Variants in ADCY5 observed in about 807,000 individuals in gnomAD.
The protein encoded by ADCY5 is adenylate cyclase type 5.
In ADCY5, 30 loss-of-function variants were observed where a neutral mutation model predicts 119.7. That is an observed-to-expected ratio of 0.25 (90% confidence interval 0.19 to 0.34). The LOEUF (loss-of-function observed/expected upper bound fraction) is 0.34. ADCY5 is among the 10% of genes least tolerant of loss of function. The pLI, the probability that ADCY5 is intolerant of heterozygous loss-of-function variation, is 1.00. For synonymous variants in ADCY5, 753 were observed against 762.2 expected (o/e 0.99, Z 0.20); for missense variants, 1,324 against 1,775.2 (o/e 0.75, Z 4.57).
At chr3:123,401,958 C>T (rs751250164) in intron 1 of ADCY5, among the ~76,000 whole-genome samples, 2 of 152,182 alleles carry the variant, frequency 1.3e-5, no homozygotes, top group Non-Finnish European at 2.9e-5. Flanking sequence ...GATACAGCCT[C>T]GACAGGCTGG....
intron 1 of ADCY5, among the ~76,000 whole-genome samples, chr3:123,385,327 C>G (rs547881699): frequency 3.0e-4 from 44 of 146,922 alleles, no homozygotes; most frequent in African/African-American, 9.9e-4. Context: ...ACGACCAGTG[C>G]TGTAGTCTGT....
intron 3 of ADCY5, among the ~76,000 whole-genome samples, chr3:123,346,613 C>T (rs1942571140): frequency 2.0e-5 from 1 of 50,962 alleles, no homozygotes; most frequent in African/African-American, 6.2e-5. Context: ...CACCTTCTCT[C>T]TCTCTCTCTC....
intron 1 of ADCY5, among the ~76,000 whole-genome samples, chr3:123,363,348 T>G (rs1255996432): frequency 6.6e-6 from 1 of 152,164 alleles, no homozygotes; most frequent in African/African-American, 2.4e-5. Context: ...AGTAATAATG[T>G]TGGCAAGAAT....
At chr3:123,398,005 G>A (rs1944651198) in intron 1 of ADCY5, among the ~76,000 whole-genome samples, 1 of 152,202 alleles carries the variant, frequency 6.6e-6, no homozygotes, top group Non-Finnish European at 1.5e-5. Flanking sequence ...AAGTCTACCT[G>A]ACTGCAAGGC....
rs574222425 is a variant in ADCY5, at chr3:123,356,938, G to A, written c.1135-4357C>T. 9.9e-4 allele frequency among the ~76,000 whole-genome samples: 150 copies of A among 151,936 alleles called. 1 individual carries two copies. The South Asian group carries it at 0.03, about 31-fold the overall frequency. ...ATAAAAAGAAACAAATCACTGATAT[G>A]TACAACATGGATGCATCTCAAATAT... On this transcript the variant is annotated intron_variant, in intron 1 of 20. Transcript: ENST00000462833.
At chr3:123,294,260 C>T (rs1419723216) in intron 17 of ADCY5, among the ~76,000 whole-genome samples, 1 of 152,176 alleles carries the variant, frequency 6.6e-6, no homozygotes, top group African/African-American at 2.4e-5. Context: ...TGCTATCGGG[C>T]ATTTCCACAG....
At chr3:123,297,080 C>T in intron 16 of ADCY5, 3 of 1,529,176 alleles carry the variant, frequency 2.0e-6, no homozygotes, top group Non-Finnish European at 2.6e-6. Context: ...AGGTTAAATG[C>T]TTTAACATGA....
Position 123,331,017 on chromosome 3 carries a change from C to T in ADCY5, c.1519-1G>A, listed in dbSNP as rs1224218443. 1 of 1,603,678 alleles carries T rather than the reference C, an allele frequency of 6.2e-7. No individual in the cohort carries two copies. Among genetic ancestry groups the T allele is most frequent in the Admixed American group, 1.8e-5 (1 of 56,738 alleles). On this transcript the variant is annotated splice_acceptor_variant, in intron 4 of 20. Transcript: ENST00000462833. LOFTEE classifies it high-confidence loss of function. ...TCTTAATACGTAAACAGTGATTCTCCTGGAAAGCAAATTAATTTTACAAAT... is the reference window on the plus strand; with the variant it reads ...TCTTAATACGTAAACAGTGATTCTCTTGGAAAGCAAATTAATTTTACAAAT...
intron 11 of ADCY5, among the ~76,000 whole-genome samples, chr3:123,317,148 T>C (rs1445028539): frequency 6.6e-6 from 1 of 152,058 alleles, no homozygotes; most frequent in African/African-American, 2.4e-5. Context: ...AACAAACACC[T>C]CAACCTCATT....
At chr3:123,366,792 C>T (rs1943459467) in intron 1 of ADCY5, among the ~76,000 whole-genome samples, 1 of 152,108 alleles carries the variant, frequency 6.6e-6, no homozygotes, top group African/African-American at 2.4e-5. Flanking sequence ...AAACATGTGG[C>T]TCTGGGCAAG....
At chr3:123,340,360 T>C (rs1942222687) in intron 3 of ADCY5, among the ~76,000 whole-genome samples, 1 of 152,236 alleles carries the variant, frequency 6.6e-6, no homozygotes, top group African/African-American at 2.4e-5. Context: ...CATTCTTCTT[T>C]TGGGGCCTGA....
rs546499826 is a variant in ADCY5 at position 123,448,546 on chromosome 3, C to T, written c.-1G>A. 3 of 1,262,060 alleles carry T rather than the reference C, an allele frequency of 2.4e-6. No homozygotes were observed. The highest frequency in any genetic ancestry group is 3.2e-5 in the East Asian group (1 of 31,712). The allele number at this position is 1,262,060 out of a possible 1,614,324, so 78.2% of individuals were successfully genotyped here. ...GGCTCACGCTTTTGGAGCCGGACATCCCCCCCTCGGCCTCGTCGTCTCCTT... is the reference window on the plus strand; with the variant it reads ...GGCTCACGCTTTTGGAGCCGGACATTCCCCCCTCGGCCTCGTCGTCTCCTT... On this transcript the variant is annotated 5_prime_UTR_variant, in exon 1 of 21. Transcript: ENST00000462833.
intron 1 of ADCY5, among the ~76,000 whole-genome samples, chr3:123,445,606 C>T (rs1945800161): frequency 6.6e-6 from 1 of 152,194 alleles, no homozygotes; most frequent in East Asian, 1.9e-4. Flanking sequence ...TTTATAAGCA[C>T]TAACAATGGT....
chr3:123,416,143 G>A, intron 1 of ADCY5: 1 of 1,534,992 alleles, frequency 6.5e-7, no homozygotes, highest in Non-Finnish European at 8.7e-7. Flanking sequence ...AGCAGAAAGG[G>A]ACAGGTAGTG....
At chr3:123,377,013 C>T (rs1943859830) in intron 1 of ADCY5, among the ~76,000 whole-genome samples, 1 of 152,148 alleles carries the variant, frequency 6.6e-6, no homozygotes, top group South Asian at 2.1e-4. Flanking sequence ...AGAGGGAAGG[C>T]TCGGCTCCAG....
intron 1 of ADCY5, among the ~76,000 whole-genome samples, chr3:123,423,117 G>A (rs1945333837): frequency 6.6e-6 from 1 of 152,100 alleles, no homozygotes; most frequent in South Asian, 2.1e-4. Context: ...GAGGATACAG[G>A]AGGTCTGGCC....
At chr3:123,327,806 T>C in intron 6 of ADCY5, 47 bp from the exon 7 acceptor site, 1 of 1,602,946 alleles carries the variant, frequency 6.2e-7, no homozygotes, top group Non-Finnish European at 8.5e-7. Flanking sequence ...AAACTCAAAG[T>C]CATAATGTCA....
Position 123,447,569 on chromosome 3 carries a change from G to A in ADCY5, c.977C>T (p.Ser326Phe), listed in dbSNP as rs374131018. The change falls in exon 1 of 21, where the codon TCT (serine) becomes TTT (phenylalanine). Residue 326 changes from serine to phenylalanine, a missense_variant. Around this residue, in one of 6 missense-constraint regions of ADCY5, gnomAD observed 585 missense variants for 569.9 expected, o/e 1.03. Transcript: ENST00000462833. ...GAACACGGTCCACCAGATGCCCTCA[G>A]AGGCGCTGCGTGGCTGCGGCAGCAG... ...GLLLPQPRSA[S>F]EGIWWTVFFI... is the part of the protein sequence containing the mutation. 62 of 1,608,796 alleles carry A rather than the reference G, an allele frequency of 3.9e-5. No homozygotes were observed. The highest frequency in any genetic ancestry group is 5.3e-5 in the Non-Finnish European group (62 of 1,179,606).
chr3:123,296,855 C>T (rs575815137), intron 16 of ADCY5: 19 of 694,182 alleles, frequency 2.7e-5, no homozygotes, highest in African/African-American at 7.3e-5. Flanking sequence ...CCAAATCCTA[C>T]GTCTTGTGCC....
Sources: allele counts gnomAD v4.1 joint callset (sites outside exome capture counted in the v4.1 genomes callset), GRCh38; gene constraint gnomAD v4.1.1; regional missense constraint gnomAD v4.1.1; transcripts MANE v1.5; gene names NCBI Gene and HGNC (gene_info 2026-07-23, HGNC 2026-07-21).